AKAP13: variants seen among roughly 807,000 people sequenced by gnomAD.
The protein encoded by AKAP13 is A-kinase anchoring protein 13, also known as A-kinase anchor protein 13.
A neutral mutation model predicts 264.5 loss-of-function variants in AKAP13; 80 were observed. The ratio of observed to expected loss-of-function variants is 0.30; its 90% CI spans 0.25 to 0.36. The LOEUF is 0.36. Among genes scored for constraint, AKAP13 ranks in the 10% least tolerant of loss-of-function variants. AKAP13 has a pLI of 1.00. For missense variants in AKAP13, 3,712 were observed against 3,435.2 expected (o/e 1.08, Z -2.01); for synonymous variants, 1,380 against 1,250.2 (o/e 1.10, Z -2.19).
At chr15:85,669,608 C>T in intron 13 of AKAP13, 114 bp from the exon 14 acceptor site, 1 of 708,744 alleles carries the variant, frequency 1.4e-6, no homozygotes, top group South Asian at 2.0e-5. Context: ...TGTGCTCTCA[C>T]CCGCTTCTTC....
intron 8 of AKAP13, among the ~76,000 whole-genome samples, chr15:85,589,215 AAG>A (rs1253751875): frequency 2.6e-5 from 4 of 152,212 alleles, no homozygotes; most frequent in Admixed American, 6.5e-5. Flanking sequence ...TGGATGGGGA[AAG>A]AGAGCAGAGG....
intron 31 of AKAP13, 68 bp downstream of exon 31, chr15:85,735,218 T>G: frequency 1.9e-6 from 3 of 1,554,374 alleles, no homozygotes; most frequent in Non-Finnish European, 2.6e-6. Context: ...CAAAATGACT[T>G]GTACTTTAGT....
chr15:85,727,336 G>T lies in AKAP13; in HGVS notation c.7005-45G>T. The T allele has an allele frequency of 1.2e-6, 2 of 1,613,194 alleles. No homozygotes were observed. Among genetic ancestry groups the T allele is most frequent in the South Asian group, 2.2e-5 (2 of 90,976 alleles). ...AGGCTGGACTGTGACCAGAGTAATT[G>T]ACATCTTAGGAATTTTTTGTTCTGT... On this transcript the variant is annotated intron_variant, in intron 28 of 36. Coordinates refer to ENST00000394518, the MANE Select transcript of AKAP13 (RefSeq NM_007200.5). This position sits in a 1 kb window ranked among gnomAD's most constrained non-coding sequence, Gnocchi z 5.3.
At chr15:85,530,603 T>TTTGACATTTA (rs2077213982) in intron 3 of AKAP13, among the ~76,000 whole-genome samples, 1 of 152,194 alleles carries the variant, frequency 6.6e-6, no homozygotes, top group African/African-American at 2.4e-5. Flanking sequence ...ATTGTGAAAT[T>TTTGACATTTA]TTGACATTTA....
At chr15:85,538,069 A>T (rs1410622919) in intron 4 of AKAP13, among the ~76,000 whole-genome samples, 1 of 152,084 alleles carries the variant, frequency 6.6e-6, no homozygotes, top group African/African-American at 2.4e-5. Flanking sequence ...GAGTTTTCCA[A>T]GTCTCACTTA....
At chr15:85,735,225 T>C (rs2088356767) in intron 31 of AKAP13, 75 bp downstream of exon 31, 3 of 1,541,992 alleles carry the variant, frequency 1.9e-6, no homozygotes, top group South Asian at 1.3e-5. Context: ...ACTTGTACTT[T>C]AGTAGCTACA....
chr15:85,638,415 T>C (rs937572706), intron 8 of AKAP13, among the ~76,000 whole-genome samples: 2 of 152,224 alleles, frequency 1.3e-5, no homozygotes, highest in Admixed American at 6.5e-5. Flanking sequence ...TGATAGAATA[T>C]GAACATTCCA....
chr15:85,598,332 C>A (rs1218640020), intron 8 of AKAP13, among the ~76,000 whole-genome samples: 1 of 152,134 alleles, frequency 6.6e-6, no homozygotes, highest in Non-Finnish European at 1.5e-5. Flanking sequence ...GCAGTCTCTA[C>A]TTTGTGGGCA....
chr15:85,660,705 G>A (rs1354371933), intron 12 of AKAP13, among the ~76,000 whole-genome samples: 2 of 152,174 alleles, frequency 1.3e-5, no homozygotes, highest in Non-Finnish European at 2.9e-5. Context: ...CCTCACACAA[G>A]TAAATTATGT....
chr15:85,581,576 A>G lies in AKAP13; in HGVS notation c.3508A>G (p.Thr1170Ala), dbSNP rs754343636. ...GCTGGAGGGAGCAGACCACAGCTGT[A>G]CCATGGGTGACGCTGAGGAAGCCCA... ...GKLEGADHSC[T>A]MGDAEEAQID... is the part of the protein sequence containing the mutation. Residue 1170 changes from threonine to alanine, a missense_variant, in exon 7 of 37, where the codon ACC (threonine) becomes GCC (alanine). Physicochemically the swap from Thr to Ala is moderately conservative, Grantham distance 58. This residue lies in a region of AKAP13 where 2,759 missense variants were observed against 2,411.7 expected (regional missense o/e 1.14). Coordinates refer to ENST00000394518, the MANE Select transcript of AKAP13 (RefSeq NM_007200.5). The G allele has an allele frequency of 1.9e-6, 3 of 1,614,188 alleles. No homozygotes were observed. Among genetic ancestry groups the G allele is most frequent in the Non-Finnish European group, 2.5e-6 (3 of 1,180,034 alleles).
At chr15:85,596,871 A>G (rs2079844860) in intron 8 of AKAP13, among the ~76,000 whole-genome samples, 2 of 152,188 alleles carry the variant, frequency 1.3e-5, no homozygotes, top group African/African-American at 4.8e-5. Flanking sequence ...TGTGTAGAGT[A>G]TGAAGTACCT....
chr15:85,629,690 G>C (rs192394682), intron 8 of AKAP13, among the ~76,000 whole-genome samples: 1 of 142,172 alleles, frequency 7.0e-6, no homozygotes, highest in Admixed American at 7.2e-5. Flanking sequence ...TCAGGGGTAT[G>C]TAAAAAGGTC....
chr15:85,398,633 G>A (rs1294335502), intron 1 of AKAP13, among the ~76,000 whole-genome samples: 1 of 152,144 alleles, frequency 6.6e-6, no homozygotes, highest in Non-Finnish European at 1.5e-5. Context: ...TCTACTCAGT[G>A]CAACCTCTGC....
chr15:85,473,410 C>T (rs938038719), intron 1 of AKAP13, among the ~76,000 whole-genome samples: 3 of 152,164 alleles, frequency 2.0e-5, no homozygotes, highest in Non-Finnish European at 2.9e-5. Context: ...TGAGTGCATA[C>T]TCTGGACCGA....
In AKAP13 at chr15:85,718,898, T is replaced by TAA. The variant is rs3833025; in HGVS notation, c.6002-169_6002-168dup. Reference sequence around the variant, plus strand: ...TGGGTGACAGAGCCAGAACCTGTCTTAAAAAAAAAACAAAAAAACAAAAAA... The same window carrying TAA: ...TGGGTGACAGAGCCAGAACCTGTCTTAAAAAAAAAAAACAAAAAAACAAAAAA... On this transcript the variant is annotated intron_variant, in intron 22 of 36. Coordinates refer to ENST00000394518, the MANE Select transcript of AKAP13 (RefSeq NM_007200.5). The surrounding 1 kb of genome is among the most constrained non-coding windows in gnomAD (Gnocchi z 4.9). The TAA allele has an allele frequency of 4.5e-3, 3,294 of 726,960 alleles. No individual in the cohort carries two copies. The highest frequency in any genetic ancestry group is 5.8e-3 in the Non-Finnish European group (2,798 of 484,198). The allele number at this position is 726,960 out of a possible 1,614,324, so 45.0% of individuals were successfully genotyped here.
At chr15:85,513,031 G>C (rs577961123) in intron 2 of AKAP13, among the ~76,000 whole-genome samples, 3 of 152,006 alleles carry the variant, frequency 2.0e-5, no homozygotes, top group African/African-American at 7.2e-5. Context: ...TAATTTTTTT[G>C]TATTTTTAGT....
In AKAP13 at chr15:85,663,974, C is replaced by G. The variant is rs957635900; in HGVS notation, c.4800-589C>G. On this transcript the variant is annotated intron_variant, in intron 12 of 36. Transcript: ENST00000394518. ...TGTGCCTGTTGCAACTAACAATTCT[C>G]GAGAAGTCTGTCAGCAGTTGTTTGG... 3.9e-5 allele frequency among the ~76,000 whole-genome samples: 6 copies of G among 152,174 alleles called. No homozygotes were observed. In the East Asian group the frequency reaches 9.6e-4, roughly 24 times the overall value.
At chr15:85,484,670 G>A (rs2075472924) in intron 1 of AKAP13, among the ~76,000 whole-genome samples, 1 of 152,178 alleles carries the variant, frequency 6.6e-6, no homozygotes, top group Admixed American at 6.5e-5. Flanking sequence ...TACACAACTT[G>A]ATCTGTGAGG....
intron 4 of AKAP13, among the ~76,000 whole-genome samples, chr15:85,538,883 T>C (rs1596471223): frequency 6.7e-6 from 1 of 150,070 alleles, no homozygotes; most frequent in East Asian, 2.0e-4. Context: ...CAGGCTAGAG[T>C]GCAGTGGTGC....
Sources: gnomAD v4.1 joint callset for allele counts (sites outside exome capture counted in the v4.1 genomes callset) on GRCh38, gnomAD v4.1.1 for gene constraint, gnomAD v4.1.1 regional missense constraint, Gnocchi (gnomAD v3.1) non-coding constraint, MANE v1.5 for transcripts, NCBI Gene and HGNC (gene_info 2026-07-23, HGNC 2026-07-21) for gene names.